The following KCNIP4 variants were observed in gnomAD, a reference collection of about 807,000 sequenced individuals.
KCNIP4 encodes potassium voltage-gated channel interacting protein 4.
In KCNIP4, 12 loss-of-function variants were observed where a neutral mutation model predicts 34.0. That is an observed-to-expected ratio of 0.35 (90% CI 0.23 to 0.57). KCNIP4 has a LOEUF of 0.57. Ranked by LOEUF, KCNIP4 falls within the 20% of genes least tolerant of loss-of-function variation. The probability of loss-of-function intolerance (pLI) is 0.83; values close to 1 mark genes in which losing one functional copy is unlikely to be tolerated. For missense variants in KCNIP4, 238 were observed against 311.7 expected (o/e 0.76, Z 1.78); for synonymous variants, 124 against 102.2 (o/e 1.21, Z -1.29).
chr4:21,801,380 G>A (rs1019011896), intron 1 of KCNIP4, among the ~76,000 whole-genome samples: 2 of 152,042 alleles, frequency 1.3e-5, no homozygotes, highest in African/African-American at 2.4e-5. Context: ...CAAAAGAGTG[G>A]CTTTGTTCCT....
chr4:21,415,591 A>G (rs1724888378), intron 1 of KCNIP4, among the ~76,000 whole-genome samples: 1 of 151,948 alleles, frequency 6.6e-6, no homozygotes, highest in Non-Finnish European at 1.5e-5. Flanking sequence ...AATCCCAACT[A>G]TTCAGGAGGC....
chr4:21,380,798 C>A (rs545400442), intron 1 of KCNIP4, among the ~76,000 whole-genome samples: 4 of 151,848 alleles, frequency 2.6e-5, no homozygotes, highest in Admixed American at 6.6e-5. Context: ...TGTTCCAATA[C>A]CTTTCCCCAC....
chr4:21,762,462 T>C (rs532466660), intron 1 of KCNIP4, among the ~76,000 whole-genome samples: 2 of 152,252 alleles, frequency 1.3e-5, no homozygotes, highest in East Asian at 3.9e-4. Flanking sequence ...AGTTTCCTTA[T>C]TTTATATTTT....
intron 1 of KCNIP4, among the ~76,000 whole-genome samples, chr4:21,916,589 C>G (rs948621139): frequency 2.0e-5 from 3 of 152,124 alleles, no homozygotes; most frequent in Non-Finnish European, 4.4e-5. Flanking sequence ...CCTATTCTAT[C>G]TATAAAAAGA....
At chr4:21,456,903 T>C (rs1728997834) in intron 1 of KCNIP4, among the ~76,000 whole-genome samples, 2 of 152,102 alleles carry the variant, frequency 1.3e-5, no homozygotes, top group African/African-American at 4.8e-5. Context: ...CCAAGGGATC[T>C]TTCACTTCGT....
intron 1 of KCNIP4, among the ~76,000 whole-genome samples, chr4:21,104,793 A>G (rs1264080265): frequency 6.6e-6 from 1 of 151,742 alleles, no homozygotes; most frequent in Non-Finnish European, 1.5e-5. Flanking sequence ...GAAGGGATCC[A>G]GTTTCAGCTT....
At chr4:20,983,773 C>A (rs928315786) in intron 1 of KCNIP4, 14 of 1,499,964 alleles carry the variant, frequency 9.3e-6, no homozygotes, top group Admixed American at 5.9e-5. Context: ...TACTTCTAAA[C>A]CAGACCTGCC....
At chr4:20,885,747 C>G (rs1725231964) in intron 1 of KCNIP4, among the ~76,000 whole-genome samples, 1 of 152,190 alleles carries the variant, frequency 6.6e-6, no homozygotes, top group South Asian at 2.1e-4. Flanking sequence ...ATATAAAGCA[C>G]TTATCACAGT....
chr4:21,029,619 G>A (rs1238227123), intron 1 of KCNIP4, among the ~76,000 whole-genome samples: 2 of 152,178 alleles, frequency 1.3e-5, no homozygotes, highest in East Asian at 1.9e-4. Context: ...TATCACCAAC[G>A]ACACCATTGG....
chr4:21,314,402 C>T (rs1713510218), intron 1 of KCNIP4, among the ~76,000 whole-genome samples: 1 of 152,162 alleles, frequency 6.6e-6, no homozygotes. Flanking sequence ...CCAATTCACA[C>T]TTGAAGGAAA....
chr4:21,611,398 A>T (rs893262807), intron 1 of KCNIP4, among the ~76,000 whole-genome samples: 2 of 152,160 alleles, frequency 1.3e-5, no homozygotes, highest in Non-Finnish European at 2.9e-5. Flanking sequence ...CACCATCTCA[A>T]GAACAGCATG....
At chr4:21,327,606 T>C (rs140167209) in intron 1 of KCNIP4, among the ~76,000 whole-genome samples, 67 of 152,276 alleles carry the variant, frequency 4.4e-4, no homozygotes, top group African/African-American at 1.6e-3. Flanking sequence ...GGAAGTTCTC[T>C]GTTATTATCC....
chr4:21,389,640 T>C (rs1722361776), intron 1 of KCNIP4, among the ~76,000 whole-genome samples: 1 of 151,962 alleles, frequency 6.6e-6, no homozygotes, highest in South Asian at 2.1e-4. Flanking sequence ...CTCATCCTTT[T>C]TTATGGCTGC....
chr4:21,705,005 T>C (rs11941773), intron 1 of KCNIP4, among the ~76,000 whole-genome samples: 61 of 152,318 alleles, frequency 4.0e-4, no homozygotes, highest in African/African-American at 1.4e-3. Context: ...AAATTGTATA[T>C]GTCCAAACCA....
chr4:21,261,265 T>C (rs1761451606), intron 1 of KCNIP4, among the ~76,000 whole-genome samples: 2 of 152,154 alleles, frequency 1.3e-5, no homozygotes, highest in African/African-American at 2.4e-5. Flanking sequence ...GCAAATATCA[T>C]TGCGTAAAAA....
chr4:21,373,083 A>ATTT (rs1309306475), intron 1 of KCNIP4, among the ~76,000 whole-genome samples: 2 of 85,522 alleles, frequency 2.3e-5, no homozygotes, highest in African/African-American at 9.7e-5. Flanking sequence ...GAACAGATTA[A>ATTT]AAAAAATTTT....
At chr4:20,746,335 A>G (rs1461308309) in intron 5 of KCNIP4, among the ~76,000 whole-genome samples, 1 of 151,990 alleles carries the variant, frequency 6.6e-6, no homozygotes, top group Non-Finnish European at 1.5e-5. Flanking sequence ...GAACACACGG[A>G]CATAGGAAGG....
intron 1 of KCNIP4, among the ~76,000 whole-genome samples, chr4:21,487,536 G>T (rs1420234582): frequency 6.6e-6 from 1 of 152,086 alleles, no homozygotes; most frequent in Non-Finnish European, 1.5e-5. Flanking sequence ...CCTGTGGAAG[G>T]AAGTCCCTAT....
At chr4:21,428,136 T>C (rs1726096107) in intron 1 of KCNIP4, among the ~76,000 whole-genome samples, 1 of 152,128 alleles carries the variant, frequency 6.6e-6, no homozygotes, top group African/African-American at 2.4e-5. Context: ...AGTGGGCTTT[T>C]AGAGGGGTAG....
Sources: allele counts gnomAD v4.1 joint callset (sites outside exome capture counted in the v4.1 genomes callset), GRCh38; gene constraint gnomAD v4.1.1; transcripts MANE v1.5; gene names NCBI Gene and HGNC (gene_info 2026-07-23, HGNC 2026-07-21).